Variants in HBP1 observed in about 807,000 individuals in gnomAD.
The protein encoded by HBP1 is HMG box-containing protein 1.
Under a neutral mutation model 62.6 loss-of-function variants are expected in HBP1, and 20 were observed. That is an observed-to-expected ratio of 0.32 (90% CI 0.22 to 0.46). HBP1 has a LOEUF of 0.46. HBP1 is among the 20% of genes least tolerant of loss of function. The pLI is 1.00. For missense variants in HBP1, 480 were observed against 611.8 expected (o/e 0.78, Z 2.27); for synonymous variants, 232 against 206.2 (o/e 1.12, Z -1.07).
intron 1 of HBP1, among the ~76,000 whole-genome samples, chr7:107,177,181 A>G (rs1796892123): frequency 6.6e-6 from 1 of 152,190 alleles, no homozygotes; most frequent in East Asian, 1.9e-4. Flanking sequence ...CTTCACAACT[A>G]CTATCAGAGG....
intron 1 of HBP1, chr7:107,169,599 G>A: frequency 3.7e-6 from 1 of 269,770 alleles, no homozygotes; most frequent in Non-Finnish European, 5.7e-6. Context: ...TTGGCCAGGG[G>A]TGGGGGGCTG....
chr7:107,199,951 T>G (rs947820792), intron 9 of HBP1, among the ~76,000 whole-genome samples: 3 of 152,240 alleles, frequency 2.0e-5, no homozygotes, highest in African/African-American at 4.8e-5. Context: ...ACAAGTTGAA[T>G]ACTTCATGCT....
intron 2 of HBP1, among the ~76,000 whole-genome samples, chr7:107,180,453 T>G (rs1424436885): frequency 2.0e-5 from 3 of 152,202 alleles, no homozygotes; most frequent in Non-Finnish European, 4.4e-5. Flanking sequence ...AACTTGAGGA[T>G]CTGACATTTA....
chr7:107,196,355 G>A (rs1457443190), intron 9 of HBP1: 10 of 577,364 alleles, frequency 1.7e-5, no homozygotes, highest in South Asian at 3.2e-5. Flanking sequence ...TGCAACCTCC[G>A]CCTTCCAGGT....
At chr7:107,188,957 C>A (rs980142902) in intron 6 of HBP1, among the ~76,000 whole-genome samples, 2 of 152,146 alleles carry the variant, frequency 1.3e-5, no homozygotes, top group African/African-American at 2.4e-5. Context: ...TTGTTAATTA[C>A]AAATTTCTTG....
chr7:107,171,555 C>T (rs1464235999), intron 1 of HBP1, among the ~76,000 whole-genome samples: 1 of 152,050 alleles, frequency 6.6e-6, no homozygotes, highest in Non-Finnish European at 1.5e-5. Flanking sequence ...TTCCACCCCA[C>T]GCATACATTA....
At chr7:107,176,171 G>A (rs192979241) in intron 1 of HBP1, among the ~76,000 whole-genome samples, 96 of 151,926 alleles carry the variant, frequency 6.3e-4, no homozygotes, top group African/African-American at 2.2e-3. Flanking sequence ...GATTACAGGC[G>A]CGTGCCACCA....
chr7:107,169,911 G>A, intron 1 of HBP1: 6 of 985,506 alleles, frequency 6.1e-6, no homozygotes, highest in Non-Finnish European at 7.2e-6. Context: ...GAGGAGGCTT[G>A]GCAGGCGATT....
chr7:107,182,318 T>C (rs1220121144), intron 2 of HBP1, 55 bp from the exon 3 acceptor site: 2 of 937,436 alleles, frequency 2.1e-6, no homozygotes, highest in Non-Finnish European at 1.8e-6. Flanking sequence ...AGTTATAATA[T>C]TGTTCCTTGT....
intron 10 of HBP1, 176 bp from the exon 11 acceptor site, chr7:107,201,238 T>C (rs1219912870): frequency 3.4e-5 from 16 of 466,816 alleles, no homozygotes; most frequent in Non-Finnish European, 6.2e-5. Flanking sequence ...TATCATTGCA[T>C]ACATTTTCTG....
chr7:107,198,546 C>T (rs909467422), intron 9 of HBP1, among the ~76,000 whole-genome samples: 12 of 152,128 alleles, frequency 7.9e-5, no homozygotes, highest in Admixed American at 5.9e-4. Flanking sequence ...GCATTGCTCC[C>T]ATGTGATATA....
chr7:107,186,139 G>A (rs1398704345), intron 4 of HBP1, among the ~76,000 whole-genome samples, 197 bp downstream of exon 4: 1 of 137,884 alleles, frequency 7.3e-6, no homozygotes, highest in African/African-American at 2.6e-5. Flanking sequence ...ACTTTGTTTT[G>A]TGTGTGTCTT....
At chr7:107,193,060 T>A (rs763150396) in intron 8 of HBP1, 12 of 152,258 alleles carry the variant, frequency 7.9e-5, no homozygotes, top group Admixed American at 2.0e-4. Context: ...AAGTCAGCAA[T>A]CAGTTGATGA....
chr7:107,171,066 TATATATA>T lies in HBP1; in HGVS notation c.-16+1882_-16+1888del, dbSNP rs201872228. On this transcript the variant is annotated intron_variant, in intron 1 of 10. Transcript: ENST00000222574. ...GTATAAATATATATATATATATATA[TATATATA>T]TTTTTTTTTTTTTTTGAGAGGGAGT... Among the ~76,000 whole-genome samples, 210 of 57,386 alleles carry T rather than the reference TATATATA, an allele frequency of 3.7e-3. 1 individual carries two copies. Among genetic ancestry groups the T allele is most frequent in the Middle Eastern group, 6.4e-3 (1 of 156 alleles). 37.6% of individuals were successfully genotyped at this position (57,386 alleles called of 152,430 possible).
chr7:107,199,212 A>G lies in HBP1; in HGVS notation c.1386-948A>G, dbSNP rs1584507464. On this transcript the variant is annotated intron_variant, in intron 9 of 10. Coordinates refer to ENST00000222574, the MANE Select transcript of HBP1 (RefSeq NM_012257.4). ...GCGATTCTAGTGCCTCAGCCTCCCC[A>G]GTAGCTGTGATTACAGGCGTGTGCC... Among the ~76,000 whole-genome samples, 6 of 152,202 alleles carry G rather than the reference A, an allele frequency of 3.9e-5. No homozygotes were observed. In the East Asian group the frequency reaches 1.2e-3, roughly 29 times the overall value.
Position 107,194,799 on chromosome 7 carries a change from T to C in HBP1, c.1068-1035T>C, listed in dbSNP as rs547669363. On this transcript the variant is annotated intron_variant, in intron 8 of 10. Coordinates refer to ENST00000222574, the MANE Select transcript of HBP1 (RefSeq NM_012257.4). ...CTGCCAAGAAGATAGAAAAGTACTA[T>C]AGGCAGAAAGAGAGTTAATGCTGGA... Among the ~76,000 whole-genome samples the C allele has an allele frequency of 1.3e-4, 20 of 152,350 alleles. No individual in the cohort carries two copies. The South Asian group carries it at 3.3e-3, about 25-fold the overall frequency.
In HBP1 at chr7:107,185,878, C is replaced by T. The variant is rs762848519; in HGVS notation, c.476C>T (p.Ser159Leu). ...YARPPPVSSS[S>L]KSEPAFPHHH... ...CGCCCTCCACCAGTGTCCTCTTCTT[C>T]GAAGAGTGAACCAGCCTTCCCTCAT... Residue 159 changes from serine (S) to leucine (L), a missense_variant, in exon 4 of 11, where the codon TCG (serine) becomes TTG (leucine). Physicochemically the swap from Ser to Leu is moderately radical, Grantham distance 145. Around this residue, in one of 4 missense-constraint regions of HBP1, gnomAD observed 304 missense variants for 330.9 expected, o/e 0.92. Coordinates refer to ENST00000222574, the MANE Select transcript of HBP1 (RefSeq NM_012257.4). The T allele has an allele frequency of 1.4e-5, 22 of 1,610,650 alleles. No individual in the cohort carries two copies. In the East Asian group the frequency reaches 1.8e-4, roughly 13 times the overall value.
At chr7:107,181,259 G>T (rs541287187) in intron 2 of HBP1, among the ~76,000 whole-genome samples, 2 of 152,108 alleles carry the variant, frequency 1.3e-5, no homozygotes, top group South Asian at 4.2e-4. Flanking sequence ...AAGGTGGGAG[G>T]AGTTCAGGAC....
intron 6 of HBP1, among the ~76,000 whole-genome samples, chr7:107,188,303 T>G (rs913900495): frequency 4.6e-5 from 7 of 152,220 alleles, no homozygotes; most frequent in Non-Finnish European, 8.8e-5. Flanking sequence ...CTTGGCTTAC[T>G]TTCCTCCTAT....
Sources: allele counts gnomAD v4.1 joint callset (sites outside exome capture counted in the v4.1 genomes callset), GRCh38; gene constraint gnomAD v4.1.1; regional missense constraint gnomAD v4.1.1; transcripts MANE v1.5; gene names NCBI Gene and HGNC (gene_info 2026-07-23, HGNC 2026-07-21).